Variants in MPP4 observed in about 807,000 individuals in gnomAD.
MPP4 encodes the protein MAGUK p55 subfamily member 4.
MPP4 carries 91 observed loss-of-function variants against 98.3 expected under a neutral mutation model. The ratio of observed to expected loss-of-function variants is 0.93; its 90% CI spans 0.78 to 1.10. The LOEUF is 1.10. Ranked by LOEUF, MPP4 falls within the 50% of genes least tolerant of loss-of-function variation. MPP4 has a pLI of 0.00. For synonymous variants in MPP4, 261 were observed against 271.8 expected (o/e 0.96, Z 0.39); for missense variants, 744 against 792.9 (o/e 0.94, Z 0.74).
chr2:201,656,420 G>A, intron 16 of MPP4, 52 bp from the exon 17 acceptor site: 1 of 1,469,646 alleles, frequency 6.8e-7, no homozygotes, highest in Admixed American at 2.1e-5. Context: ...GAGATCACTT[G>A]TAGCTTCACA....
intron 1 of MPP4, among the ~76,000 whole-genome samples, chr2:201,694,433 T>G (rs546139206): frequency 6.6e-6 from 1 of 152,170 alleles, no homozygotes; most frequent in African/African-American, 2.4e-5. Flanking sequence ...TTATAGTTCT[T>G]CATAGAAGAA....
intron 14 of MPP4, among the ~76,000 whole-genome samples, chr2:201,663,449 G>A (rs1688080482): frequency 6.6e-6 from 1 of 152,122 alleles, no homozygotes; most frequent in Admixed American, 6.6e-5. Context: ...ACATTTTACT[G>A]GGACCAGGTG....
chr2:201,669,648 C>T (rs2105927908), intron 12 of MPP4, 85 bp downstream of exon 12: 1 of 931,756 alleles, frequency 1.1e-6, no homozygotes, highest in Non-Finnish European at 1.5e-6. Context: ...AATAGCTGAA[C>T]TGAATTAAAG....
At chr2:201,645,777 A>C (rs1056891320) in intron 21 of MPP4, among the ~76,000 whole-genome samples, 1 of 152,154 alleles carries the variant, frequency 6.6e-6, no homozygotes, top group Admixed American at 6.5e-5. Flanking sequence ...AGGCCTCCCA[A>C]GTAGCTGGGA....
At chr2:201,666,777 T>C (rs535530926) in intron 12 of MPP4, 33 of 152,266 alleles carry the variant, frequency 2.2e-4, no homozygotes, top group Non-Finnish European at 4.0e-4. Context: ...AAATTCCCTA[T>C]GTATGTCAAT....
intron 10 of MPP4, among the ~76,000 whole-genome samples, chr2:201,679,546 T>C (rs1258650326): frequency 6.6e-6 from 1 of 152,128 alleles, no homozygotes; most frequent in African/African-American, 2.4e-5. Context: ...CCATACTCCA[T>C]CTTCCCTCGT....
chr2:201,660,454 A>AC, intron 14 of MPP4, 108 bp from the exon 15 acceptor site: 1 of 1,185,070 alleles, frequency 8.4e-7, no homozygotes, highest in Admixed American at 1.7e-5. Flanking sequence ...CGTGCACGTC[A>AC]CCACTAGCAA....
intron 5 of MPP4, among the ~76,000 whole-genome samples, chr2:201,686,408 T>A (rs1036218802): frequency 6.8e-4 from 104 of 152,198 alleles, no homozygotes; most frequent in Non-Finnish European, 1.4e-3. Flanking sequence ...ACAACTTTTA[T>A]AATATTTTCC....
intron 12 of MPP4, 85 bp from the exon 13 acceptor site, chr2:201,666,457 A>T: frequency 2.7e-6 from 3 of 1,102,076 alleles, no homozygotes; most frequent in South Asian, 1.5e-5. Context: ...ATGGTGGCTC[A>T]TGCCTGTGAT....
intron 4 of MPP4, among the ~76,000 whole-genome samples, chr2:201,689,846 G>A (rs560173385): frequency 6.6e-5 from 10 of 152,046 alleles, no homozygotes; most frequent in African/African-American, 2.2e-4. Context: ...GAGAGGAGGC[G>A]GTTGGATATT....
At position 201,647,965 on chromosome 2, in the gene MPP4, C is replaced by T. The variant is rs1164894844; in HGVS notation, c.1585-140G>A. Reference sequence around the variant, plus strand: ...CAGCTTCCCAGGCTCAAACGATCCACCCATCTCAGCCTCCCAAGTAGCTGG... The same window carrying T: ...CAGCTTCCCAGGCTCAAACGATCCATCCATCTCAGCCTCCCAAGTAGCTGG... On this transcript the variant is annotated intron_variant, in intron 20 of 21. Coordinates refer to ENST00000409474, the MANE Select transcript of MPP4 (RefSeq NM_033066.3). The T allele has an allele frequency of 5.5e-6, 4 of 730,476 alleles. No homozygotes were observed. In the African/African-American group the frequency reaches 7.1e-5, roughly 13 times the overall value. The allele number at this position is 730,476 out of a possible 1,614,324, so 45.2% of individuals were successfully genotyped here.
chr2:201,692,417 G>A (rs1689058105), intron 3 of MPP4, among the ~76,000 whole-genome samples: 1 of 151,972 alleles, frequency 6.6e-6, no homozygotes. Flanking sequence ...GGTGGTGGGT[G>A]CCTGTAATCC....
chr2:201,682,509 AC>A (rs1335025794), intron 8 of MPP4, among the ~76,000 whole-genome samples: 1 of 152,150 alleles, frequency 6.6e-6, no homozygotes, highest in Non-Finnish European at 1.5e-5. Context: ...CACTCTGTCC[AC>A]CCCAGGTTCA....
chr2:201,686,037 G>A lies in MPP4; in HGVS notation c.374C>T (p.Ala125Val), dbSNP rs754348655. ...ATCTTTCTGAGCTATCGTGTCATGGGCACTGAGCAAGGCCTGGGCACAGGG... is the reference window on the plus strand; with the variant it reads ...ATCTTTCTGAGCTATCGTGTCATGGACACTGAGCAAGGCCTGGGCACAGGG... ...QAPHFKALLSAHDTIAQKDFE... is the reference protein window; with the variant it reads ...QAPHFKALLSVHDTIAQKDFE... The change falls in exon 6 of 22, where the codon GCC (alanine) becomes GTC (valine). Residue 125 changes from alanine to valine, a missense_variant. Transcript: ENST00000409474. 2 of 1,611,784 alleles carry A rather than the reference G, an allele frequency of 1.2e-6. No individual in the cohort carries two copies. The highest frequency in any genetic ancestry group is 4.5e-5 in the East Asian group (2 of 44,870).
At chr2:201,694,213 CT>C (rs950462925) in intron 1 of MPP4, among the ~76,000 whole-genome samples, 159 bp from the exon 2 acceptor site, 10 of 152,316 alleles carry the variant, frequency 6.6e-5, no homozygotes, top group South Asian at 2.1e-4. Context: ...AATGCTCCCC[CT>C]AACTCCATGT....
At chr2:201,651,725 G>C in intron 18 of MPP4, 1 of 838,794 alleles carries the variant, frequency 1.2e-6, no homozygotes. Context: ...AGGCCAAGGC[G>C]GGTGGATCAC....
chr2:201,697,846 C>T (rs574805709), intron 1 of MPP4: 21 of 782,230 alleles, frequency 2.7e-5, no homozygotes, highest in Non-Finnish European at 3.3e-5. Flanking sequence ...GTAGAGTTAA[C>T]ATGTAGTAAA....
At chr2:201,681,641 ACAGTGC>A in intron 8 of MPP4, 74 bp from the exon 9 acceptor site, 5 of 1,088,132 alleles carry the variant, frequency 4.6e-6, no homozygotes, top group Non-Finnish European at 4.2e-6. Context: ...GGACAGAGTT[ACAGTGC>A]AATGTATCCA....
intron 19 of MPP4, 33 bp from the exon 20 acceptor site, chr2:201,649,717 T>G: frequency 6.9e-7 from 1 of 1,441,766 alleles, no homozygotes; most frequent in Non-Finnish European, 9.6e-7. Flanking sequence ...ACAGAACACT[T>G]TCTACAAGGA....
Sources: allele counts gnomAD v4.1 joint callset (sites outside exome capture counted in the v4.1 genomes callset), GRCh38; gene constraint gnomAD v4.1.1; transcripts MANE v1.5; gene names NCBI Gene and HGNC (gene_info 2026-07-23, HGNC 2026-07-21).